Variants in ZNF385B observed in about 807,000 individuals in gnomAD.
ZNF385B encodes zinc finger protein 385B, also known as zinc finger protein 533.
ZNF385B carries 23 observed loss-of-function variants against 39.2 expected under a neutral mutation model. The ratio of observed to expected loss-of-function variants is 0.59; its 90% CI spans 0.42 to 0.83. The LOEUF is 0.83. ZNF385B is among the 40% of genes least tolerant of loss of function. The probability of loss-of-function intolerance (pLI) is 0.00; values close to 1 mark genes in which losing one functional copy is unlikely to be tolerated. For synonymous variants in ZNF385B, 205 were observed against 222.6 expected (o/e 0.92, Z 0.70); for missense variants, 552 against 598.9 (o/e 0.92, Z 0.82).
chr2:179,792,615 T>A (rs561213083), intron 1 of ZNF385B, among the ~76,000 whole-genome samples: 4 of 122,520 alleles, frequency 3.3e-5, no homozygotes, highest in African/African-American at 2.6e-5. Flanking sequence ...CCTCAGGTGA[T>A]CCACCTGCCT....
chr2:179,464,739 T>C (rs544860727), intron 6 of ZNF385B, among the ~76,000 whole-genome samples: 1 of 152,340 alleles, frequency 6.6e-6, no homozygotes, highest in African/African-American at 2.4e-5. Context: ...CATGCCGTTT[T>C]GGTTACTGTA....
At chr2:179,814,586 C>A in intron 1 of ZNF385B, 2 of 719,236 alleles carry the variant, frequency 2.8e-6, no homozygotes, top group South Asian at 2.7e-5. Context: ...AGGAGATGGT[C>A]GACATCATAG....
intron 3 of ZNF385B, among the ~76,000 whole-genome samples, chr2:179,636,519 CA>C: frequency 6.6e-6 from 1 of 152,292 alleles, no homozygotes; most frequent in South Asian, 2.1e-4. Context: ...TTGTCTTAGC[CA>C]GTTGTGGTTA....
In ZNF385B at chr2:179,644,779, C is replaced by A. The variant is rs1349526323; in HGVS notation, c.299-99810G>T. ...CATTACTCACAGACTCCATCACTTGCTGTGTCTCCTTTTTCTTATTTTCCT... is the reference window on the plus strand; with the variant it reads ...CATTACTCACAGACTCCATCACTTGATGTGTCTCCTTTTTCTTATTTTCCT... On this transcript the variant is annotated intron_variant, in intron 3 of 9. Transcript: ENST00000410066. 2.0e-5 allele frequency among the ~76,000 whole-genome samples: 3 copies of A among 152,152 alleles called. No homozygotes were observed. In the East Asian group the frequency reaches 5.8e-4, roughly 29 times the overall value.
chr2:179,836,630 T>C (rs552112738), intron 1 of ZNF385B, among the ~76,000 whole-genome samples: 1 of 148,014 alleles, frequency 6.8e-6, no homozygotes, highest in Non-Finnish European at 1.5e-5. Context: ...GCCATTCTCC[T>C]GCCTCAGCCT....
intron 3 of ZNF385B, among the ~76,000 whole-genome samples, chr2:179,619,638 T>A (rs1037081327): frequency 1.8e-4 from 28 of 152,292 alleles, no homozygotes; most frequent in African/African-American, 6.7e-4. Flanking sequence ...CACACTAGAA[T>A]CCTATATTTC....
intron 3 of ZNF385B, among the ~76,000 whole-genome samples, chr2:179,709,470 T>C (rs954759653): frequency 6.6e-6 from 1 of 152,168 alleles, no homozygotes; most frequent in Admixed American, 6.5e-5. Flanking sequence ...TTCCCCATTA[T>C]ATCCAGGGCA....
intron 1 of ZNF385B, among the ~76,000 whole-genome samples, chr2:179,806,709 G>A (rs1474404577): frequency 1.3e-5 from 2 of 152,034 alleles, no homozygotes; most frequent in Non-Finnish European, 2.9e-5. Flanking sequence ...ATTTGTCAAT[G>A]AGCCACAAAA....
chr2:179,500,187 G>A (rs1185663986), intron 5 of ZNF385B, among the ~76,000 whole-genome samples: 1 of 151,972 alleles, frequency 6.6e-6, no homozygotes, highest in Non-Finnish European at 1.5e-5. Flanking sequence ...AATTAATATT[G>A]TTAAAGTGTC....
At chr2:179,685,618 G>A (rs369533666) in intron 3 of ZNF385B, among the ~76,000 whole-genome samples, 6 of 152,030 alleles carry the variant, frequency 3.9e-5, no homozygotes, top group Non-Finnish European at 2.9e-5. Flanking sequence ...TGACTGTACA[G>A]ACAGCACAAT....
chr2:179,850,565 G>A (rs949610124), intron 1 of ZNF385B, among the ~76,000 whole-genome samples: 1 of 152,180 alleles, frequency 6.6e-6, no homozygotes, highest in Non-Finnish European at 1.5e-5. Flanking sequence ...CAACTACCAT[G>A]TCTGTTCAAA....
At chr2:179,504,849 T>C (rs1453368898) in intron 5 of ZNF385B, among the ~76,000 whole-genome samples, 1 of 149,712 alleles carries the variant, frequency 6.7e-6, no homozygotes, top group Non-Finnish European at 1.5e-5. Context: ...GAGAACTCAC[T>C]CAGTATCATG....
At chr2:179,526,639 ACATTACACAGGGAGTG>A (rs1369376357) in intron 4 of ZNF385B, among the ~76,000 whole-genome samples, 1 of 152,110 alleles carries the variant, frequency 6.6e-6, no homozygotes, top group African/African-American at 2.4e-5. Flanking sequence ...AGTAAATAGA[ACATTACACAGGGAGTG>A]CATGCACCAT....
At chr2:179,817,016 C>T (rs1186899505) in intron 1 of ZNF385B, among the ~76,000 whole-genome samples, 1 of 152,124 alleles carries the variant, frequency 6.6e-6, no homozygotes, top group Non-Finnish European at 1.5e-5. Context: ...TGTGTAAAAG[C>T]TTCATTGTGA....
intron 4 of ZNF385B, among the ~76,000 whole-genome samples, chr2:179,532,076 G>C (rs543438729): frequency 3.3e-5 from 5 of 152,134 alleles, no homozygotes; most frequent in Non-Finnish European, 5.9e-5. Flanking sequence ...ATCGAATAAG[G>C]CTCTGTTAAT....
At chr2:179,700,081 A>C (rs1699070571) in intron 3 of ZNF385B, among the ~76,000 whole-genome samples, 1 of 101,696 alleles carries the variant, frequency 9.8e-6, no homozygotes. Flanking sequence ...ACACACAAAC[A>C]AAACAGATCT....
chr2:179,750,798 T>C (rs1575418206), intron 3 of ZNF385B, among the ~76,000 whole-genome samples: 1 of 152,158 alleles, frequency 6.6e-6, no homozygotes, highest in South Asian at 2.1e-4. Flanking sequence ...ACTTATCTAG[T>C]GCACTTACTG....
chr2:179,728,976 G>A (rs900538968), intron 3 of ZNF385B, among the ~76,000 whole-genome samples: 2 of 151,886 alleles, frequency 1.3e-5, no homozygotes, highest in Admixed American at 6.6e-5. Context: ...GATTCAAGTA[G>A]ATTATGCTTT....
intron 1 of ZNF385B, among the ~76,000 whole-genome samples, chr2:179,781,924 C>T (rs1227949615): frequency 6.6e-6 from 1 of 152,110 alleles, no homozygotes; most frequent in African/African-American, 2.4e-5. Context: ...TGGTACAATT[C>T]CTATAGAAAC....
Sources: gnomAD v4.1 joint callset for allele counts (sites outside exome capture counted in the v4.1 genomes callset) on GRCh38, gnomAD v4.1.1 for gene constraint, MANE v1.5 for transcripts, NCBI Gene and HGNC (gene_info 2026-07-23, HGNC 2026-07-21) for gene names.